Variants in MACROD2 observed in about 807,000 individuals in gnomAD.
The protein encoded by MACROD2 is ADP-ribose glycohydrolase MACROD2.
MACROD2 carries 36 observed loss-of-function variants against 70.4 expected under a neutral mutation model. The ratio of observed to expected loss-of-function variants is 0.51; its 90% CI spans 0.39 to 0.68. MACROD2 has a LOEUF of 0.68. Ranked by LOEUF, MACROD2 falls within the 30% of genes least tolerant of loss-of-function variation. The probability of loss-of-function intolerance (pLI) is 0.00; values close to 1 mark genes in which losing one functional copy is unlikely to be tolerated. For synonymous variants in MACROD2, 172 were observed against 178.8 expected, an observed-to-expected ratio of 0.96 and a Z score of 0.30; for missense variants, 496 against 538.4, an observed-to-expected ratio of 0.92 and a Z score of 0.78.
chr20:15,143,832 A>G (rs1190439297), intron 5 of MACROD2, among the ~76,000 whole-genome samples: 1 of 151,954 alleles, frequency 6.6e-6, no homozygotes, highest in Non-Finnish European at 1.5e-5. Flanking sequence ...TCACCAGCAC[A>G]AAAACATTCA....
At chr20:14,218,978 C>A (rs935151916) in intron 3 of MACROD2, among the ~76,000 whole-genome samples, 2 of 152,246 alleles carry the variant, frequency 1.3e-5, no homozygotes, top group Admixed American at 1.3e-4. Flanking sequence ...CTTTCCTTCA[C>A]CTTAACATTG....
intron 5 of MACROD2, among the ~76,000 whole-genome samples, chr20:14,843,223 A>G (rs2122282136): frequency 7.8e-6 from 1 of 128,296 alleles, no homozygotes; most frequent in South Asian, 2.4e-4. Context: ...TTGTGTTATG[A>G]CTGGGGCTAG....
In MACROD2 at chr20:15,405,854, C is replaced by T. The variant is rs546147857; in HGVS notation, c.541-25551C>T. Among the ~76,000 whole-genome samples the T allele has an allele frequency of 2.0e-5, 3 of 152,270 alleles. No homozygotes were observed. The South Asian group carries it at 6.2e-4, about 32-fold the overall frequency. ...TCTTTCACTCAGTTGTCTTTTCCTG[C>T]CAGATTTTGAAGTTGTTGAGGGTAG... On this transcript the variant is annotated intron_variant, in intron 6 of 17. Transcript: ENST00000684519.
rs1459880498 is a variant in MACROD2, at chr20:14,326,571, C to T, written c.272-166908C>T. ...GTAACCAGTCACGTACCCATTTCAT[C>T]TTGCACCCGCAATACCAGGGATTGT... On this transcript the variant is annotated intron_variant, in intron 3 of 17. Coordinates refer to ENST00000684519, the MANE Select transcript of MACROD2 (RefSeq NM_001351661.2). This position sits in a 1 kb window ranked among gnomAD's most constrained non-coding sequence, Gnocchi z 5.5. 2.5e-6 allele frequency: 4 copies of T among 1,613,910 alleles called. No homozygotes were observed. The highest frequency in any genetic ancestry group is 3.4e-6 in the Non-Finnish European group (4 of 1,179,856).
In MACROD2 at chr20:15,142,079, G is replaced by A. The variant is rs141434543; in HGVS notation, c.419-87861G>A. 9.9e-5 allele frequency among the ~76,000 whole-genome samples: 15 copies of A among 152,270 alleles called. No homozygotes were observed. The East Asian group carries it at 2.9e-3, about 29-fold the overall frequency. On this transcript the variant is annotated intron_variant, in intron 5 of 17. Transcript: ENST00000684519. ...ATCATTTGAGCATAACCCTATCAAT[G>A]TCTTGAATTATGACTGTGTGCATAC...
chr20:15,014,590 G>T (rs2075107164), intron 5 of MACROD2, among the ~76,000 whole-genome samples: 1 of 152,108 alleles, frequency 6.6e-6, no homozygotes. Flanking sequence ...CATGACAGTG[G>T]CCTTGTATTA....
intron 8 of MACROD2, among the ~76,000 whole-genome samples, chr20:15,567,502 A>G (rs1044745605): frequency 1.3e-5 from 2 of 152,168 alleles, no homozygotes; most frequent in African/African-American, 4.8e-5. Flanking sequence ...TAGTATATAA[A>G]CCACTCCCTG....
At chr20:14,227,321 A>G (rs1355145249) in intron 3 of MACROD2, among the ~76,000 whole-genome samples, 6 of 152,058 alleles carry the variant, frequency 3.9e-5, no homozygotes, top group Non-Finnish European at 7.4e-5. Context: ...CACATGGTGG[A>G]AGCTTTGTTC....
At position 14,083,896 on chromosome 20, in the gene MACROD2, C is replaced by G. The variant is rs568299199; in HGVS notation, c.164-1725C>G. On this transcript the variant is annotated intron_variant, in intron 2 of 17. Coordinates refer to ENST00000684519, the MANE Select transcript of MACROD2 (RefSeq NM_001351661.2). ...GAGATGGAGACCAACCCCGTCTCTA[C>G]TAAAAATACAAAAAACTAGCCGGGC... is the stretch of plus-strand genomic sequence containing the variant. 1.6e-4 allele frequency among the ~76,000 whole-genome samples: 24 copies of G among 151,446 alleles called. No individual in the cohort carries two copies. In the South Asian group the frequency reaches 4.8e-3, roughly 30 times the overall value.
intron 6 of MACROD2, among the ~76,000 whole-genome samples, chr20:15,244,232 T>C (rs1223046794): frequency 1.3e-5 from 2 of 152,190 alleles, no homozygotes; most frequent in African/African-American, 2.4e-5. Context: ...GCTATTTACA[T>C]GGCAGAAACC....
intron 5 of MACROD2, among the ~76,000 whole-genome samples, chr20:15,040,634 C>T (rs1000623015): frequency 6.6e-6 from 1 of 152,104 alleles, no homozygotes; most frequent in African/African-American, 2.4e-5. Context: ...TTTTGGATTG[C>T]CAATTCCCCA....
At chr20:14,304,014 G>C (rs2082498419) in intron 3 of MACROD2, among the ~76,000 whole-genome samples, 1 of 152,030 alleles carries the variant, frequency 6.6e-6, no homozygotes, top group Non-Finnish European at 1.5e-5. Flanking sequence ...AACACATTTT[G>C]AGTGTCTTTA....
At chr20:15,813,930 T>C (rs1379083586) in intron 8 of MACROD2, among the ~76,000 whole-genome samples, 1 of 152,242 alleles carries the variant, frequency 6.6e-6, no homozygotes, top group East Asian at 1.9e-4. Flanking sequence ...TAAAAGTTTT[T>C]GTTTTTCCAT....
At chr20:15,673,035 G>A (rs879496498) in intron 8 of MACROD2, among the ~76,000 whole-genome samples, 2 of 152,106 alleles carry the variant, frequency 1.3e-5, no homozygotes, top group Admixed American at 6.5e-5. Context: ...CCCCAGCCAC[G>A]TGGAACCATG....
intron 8 of MACROD2, among the ~76,000 whole-genome samples, chr20:15,604,557 G>C (rs1489077109): frequency 6.6e-6 from 1 of 152,160 alleles, no homozygotes; most frequent in Non-Finnish European, 1.5e-5. Context: ...CCAGCTGTAG[G>C]CTCAACCACA....
At chr20:14,310,928 C>T (rs1035718763) in intron 3 of MACROD2, among the ~76,000 whole-genome samples, 5 of 151,730 alleles carry the variant, frequency 3.3e-5, no homozygotes, top group Non-Finnish European at 5.9e-5. Flanking sequence ...ATTTTTGTGC[C>T]GCTGTACAAC....
At chr20:15,999,327 T>C (rs1172530100) in intron 15 of MACROD2, among the ~76,000 whole-genome samples, 1 of 152,216 alleles carries the variant, frequency 6.6e-6, no homozygotes, top group Non-Finnish European at 1.5e-5. Context: ...TTTAGTTTTA[T>C]ATGTTTGTGA....
intron 8 of MACROD2, among the ~76,000 whole-genome samples, chr20:15,570,901 GA>G (rs1224256381): frequency 1.3e-5 from 2 of 151,900 alleles, no homozygotes; most frequent in East Asian, 1.9e-4. Flanking sequence ...AAAAGAAAAG[GA>G]AAAAAAGGTA....
intron 5 of MACROD2, among the ~76,000 whole-genome samples, chr20:15,001,630 A>G (rs1480067462): frequency 6.6e-6 from 1 of 152,162 alleles, no homozygotes; most frequent in African/African-American, 2.4e-5. Flanking sequence ...TTAAAAATCT[A>G]AACTGTGGGT....
Sources: gnomAD v4.1 joint callset for allele counts (sites outside exome capture counted in the v4.1 genomes callset) on GRCh38, gnomAD v4.1.1 for gene constraint, Gnocchi (gnomAD v3.1) non-coding constraint, MANE v1.5 for transcripts, NCBI Gene and HGNC (gene_info 2026-07-23, HGNC 2026-07-21) for gene names.